Variants in CELF2 observed in about 807,000 individuals in gnomAD.
The protein encoded by CELF2 is CUGBP Elav-like family member 2.
In CELF2, 8 loss-of-function variants were observed where a neutral mutation model predicts 62.6. The observed-to-expected ratio is 0.13, with a 90% CI of 0.07 to 0.23. The LOEUF (loss-of-function observed/expected upper bound fraction) is 0.23. CELF2 is among the 10% of genes least tolerant of loss of function. The probability of loss-of-function intolerance (pLI) is 1.00; values close to 1 mark genes in which losing one functional copy is unlikely to be tolerated. For missense variants in CELF2, 333 were observed against 671.0 expected, an observed-to-expected ratio of 0.50 and a Z score of 5.56; for synonymous variants, 258 against 250.0, an observed-to-expected ratio of 1.03 and a Z score of -0.30.
chr10:10,907,115 GCA>G (rs151026953), intron 1 of CELF2, among the ~76,000 whole-genome samples: 2 of 150,926 alleles, frequency 1.3e-5, no homozygotes, highest in Non-Finnish European at 3.0e-5. Context: ...ACACGCAAAC[GCA>G]CACACACACA....
At chr10:10,636,933 C>G in the CELF2 span, among the ~76,000 whole-genome samples, 1 of 152,128 alleles carries the variant, frequency 6.6e-6, no homozygotes, top group Non-Finnish European at 1.5e-5. Flanking sequence ...TTAAACGTGT[C>G]TCCTCCTAGG....
Position 11,214,463 on chromosome 10 carries a change from G to A in CELF2, c.272-2962G>A, listed in dbSNP as rs997308616. ...TTGTGTAAGTTGCTAATTGCACAAG[G>A]GTATCCTACTGAGGCCGTGAATAGA... On this transcript the variant is annotated intron_variant, in intron 2 of 12. Coordinates refer to ENST00000633077, the MANE Select transcript of CELF2 (RefSeq NM_001326342.2). The surrounding 1 kb of genome is among the most constrained non-coding windows in gnomAD (Gnocchi z 4.2). Among the ~76,000 whole-genome samples the A allele has an allele frequency of 6.6e-6, 1 of 152,158 alleles. No individual in the cohort carries two copies. Among genetic ancestry groups the A allele is most frequent in the South Asian group, 2.1e-4 (1 of 4,822 alleles).
Position 10,916,937 on chromosome 10 carries a change from T to C in CELF2, c.54-3027T>C, listed in dbSNP as rs115701588. On this transcript the variant is annotated intron_variant, in intron 1 of 13. Coordinates refer to the CELF2 transcript ENST00000636488. ...CTGGAATTTCCTTCTTCTTCTTCTT[T>C]TTTTTTTTTTTAAGGAAAAAGAACT... Among the ~76,000 whole-genome samples, 1,121 of 151,136 alleles carry C rather than the reference T, an allele frequency of 7.4e-3. 20 individuals carry two copies. Among genetic ancestry groups the C allele is most frequent in the African/African-American group, 0.026 (1,058 of 41,210 alleles).
the CELF2 span, among the ~76,000 whole-genome samples, chr10:10,518,982 A>G: frequency 6.6e-6 from 1 of 152,240 alleles, no homozygotes; most frequent in Non-Finnish European, 1.5e-5. Flanking sequence ...AATAAGAGCC[A>G]AGTTTTAGGA....
chr10:10,651,650 A>C, the CELF2 span, among the ~76,000 whole-genome samples: 1 of 150,032 alleles, frequency 6.7e-6, no homozygotes, highest in Non-Finnish European at 1.5e-5. Flanking sequence ...ACAGACCTGC[A>C]GCTGAGGGTC....
chr10:10,804,417 A>G (rs933360223), intron 1 of CELF2, among the ~76,000 whole-genome samples: 1 of 152,260 alleles, frequency 6.6e-6, no homozygotes, highest in Non-Finnish European at 1.5e-5. Flanking sequence ...TAGCAGGAAA[A>G]TAGAAGTGGC....
intron 3 of CELF2, among the ~76,000 whole-genome samples, chr10:11,226,250 A>T (rs2066499378): frequency 6.6e-6 from 1 of 152,262 alleles, no homozygotes; most frequent in Non-Finnish European, 1.5e-5. Flanking sequence ...AACTCAAAGA[A>T]GATGAGTAAC....
chr10:10,523,668 T>C, the CELF2 span, among the ~76,000 whole-genome samples: 1 of 152,182 alleles, frequency 6.6e-6, no homozygotes, highest in Non-Finnish European at 1.5e-5. Context: ...AGCTCACTCT[T>C]TCCCTTAATA....
the CELF2 span, among the ~76,000 whole-genome samples, chr10:10,485,564 A>T: frequency 6.6e-6 from 1 of 152,238 alleles, no homozygotes; most frequent in African/African-American, 2.4e-5. Flanking sequence ...AAATGGTGTC[A>T]TTCCCCATGC....
intron 1 of CELF2, among the ~76,000 whole-genome samples, chr10:10,839,375 C>G (rs769864517): frequency 1.3e-5 from 2 of 152,216 alleles, no homozygotes; most frequent in Non-Finnish European, 2.9e-5. Context: ...ATTACCTTCT[C>G]TCCCTGTTTA....
intron 2 of CELF2, among the ~76,000 whole-genome samples, chr10:11,198,840 A>C (rs759296224): frequency 6.6e-6 from 1 of 152,264 alleles, no homozygotes; most frequent in Admixed American, 6.5e-5. Flanking sequence ...GTGGCAATCT[A>C]TAGACTGTTA....
rs536708277 is a variant in CELF2, at chr10:11,255,024, G to A, written c.404-2714G>A. ...GTTAGTGAGCACAGGCGGTGTAGAC[G>A]GCCTGCAGCAGGTGGTGTGGACGGC... On this transcript the variant is annotated intron_variant, in intron 4 of 12. Coordinates refer to ENST00000633077, the MANE Select transcript of CELF2 (RefSeq NM_001326342.2). This position sits in a 1 kb window ranked among gnomAD's most constrained non-coding sequence, Gnocchi z 5.5. Among the ~76,000 whole-genome samples the A allele has an allele frequency of 1.3e-5, 2 of 152,010 alleles. No homozygotes were observed. The highest frequency in any genetic ancestry group is 4.8e-5 in the African/African-American group (2 of 41,374).
At position 11,334,290 on chromosome 10, in the gene CELF2, T is replaced by TTGTAA. The variant is rs1384858852; in HGVS notation, c.*5242_*5246dup. 7 of 152,682 alleles carry TTGTAA rather than the reference T, an allele frequency of 4.6e-5. No homozygotes were observed. The highest frequency in any genetic ancestry group is 4.6e-4 in the Admixed American group (7 of 15,286). The allele number at this position is 152,682 out of a possible 1,614,324, so 9.5% of individuals were successfully genotyped here. On this transcript the variant is annotated 3_prime_UTR_variant, in exon 13 of 13. Coordinates refer to ENST00000633077, the MANE Select transcript of CELF2 (RefSeq NM_001326342.2). ...GTAGTTGAAACAGTCAAACTTATTTTTGTAATGTATGTTATTGTGTGATGC... is the reference window on the plus strand; with the variant it reads ...GTAGTTGAAACAGTCAAACTTATTTTTGTAATGTAATGTATGTTATTGTGTGATGC...
chr10:11,174,551 C>T (rs546920692), intron 2 of CELF2, among the ~76,000 whole-genome samples: 1 of 152,322 alleles, frequency 6.6e-6, no homozygotes, highest in Non-Finnish European at 1.5e-5. Flanking sequence ...AATATAATTT[C>T]TCTATTTCTA....
At chr10:11,210,845 G>C (rs543319566) in intron 2 of CELF2, among the ~76,000 whole-genome samples, 1 of 152,266 alleles carries the variant, frequency 6.6e-6, no homozygotes, top group Admixed American at 6.5e-5. Flanking sequence ...CTGTCCTCCT[G>C]CCTTGAATTT....
intron 1 of CELF2, among the ~76,000 whole-genome samples, chr10:11,051,901 C>CTTT (rs10711238): frequency 5.7e-5 from 7 of 122,490 alleles, no homozygotes; most frequent in African/African-American, 2.2e-4. Flanking sequence ...ATTGTTAATA[C>CTTT]TTTTTTTTTT....
the CELF2 span, among the ~76,000 whole-genome samples, chr10:10,554,106 G>A: frequency 1.3e-5 from 2 of 152,154 alleles, no homozygotes; most frequent in African/African-American, 2.4e-5. Context: ...AATTGGTGAT[G>A]TAGGAATGAG....
Position 11,269,527 on chromosome 10 carries a change from C to G in CELF2, c.619-1139C>G, listed in dbSNP as rs2083137017. ...TTTCTGAGAGGAGAGAGAGAGAGGT[C>G]TATTATCATGCTGAGTTTCAATAAA... On this transcript the variant is annotated intron_variant, in intron 6 of 12. Coordinates refer to ENST00000633077, the MANE Select transcript of CELF2 (RefSeq NM_001326342.2). This position sits in a 1 kb window ranked among gnomAD's most constrained non-coding sequence, Gnocchi z 4.4. Among the ~76,000 whole-genome samples, 1 of 152,114 alleles carries G rather than the reference C, an allele frequency of 6.6e-6. No individual in the cohort carries two copies. Among genetic ancestry groups the G allele is most frequent in the African/African-American group, 2.4e-5 (1 of 41,424 alleles).
At chr10:11,022,082 G>T (rs1386082432) in intron 1 of CELF2, among the ~76,000 whole-genome samples, 1 of 152,172 alleles carries the variant, frequency 6.6e-6, no homozygotes, top group East Asian at 1.9e-4. Flanking sequence ...AGAAAATGCA[G>T]TTATAAATAA....
Sources: allele counts gnomAD v4.1 joint callset (sites outside exome capture counted in the v4.1 genomes callset), GRCh38; gene constraint gnomAD v4.1.1; non-coding constraint Gnocchi (gnomAD v3.1); transcripts MANE v1.5; gene names NCBI Gene and HGNC (gene_info 2026-07-23, HGNC 2026-07-21).